PTPRJ: variants seen among roughly 807,000 people sequenced by gnomAD.
PTPRJ encodes the protein protein tyrosine phosphatase receptor type J.
A neutral mutation model predicts 141.3 loss-of-function variants in PTPRJ; 129 were observed. The observed-to-expected ratio is 0.91, with a 90% CI of 0.79 to 1.06. The LOEUF is 1.06. PTPRJ is among the 50% of genes least tolerant of loss of function. The pLI is 0.00. For synonymous variants in PTPRJ, 610 were observed against 640.5 expected (o/e 0.95, Z 0.72); for missense variants, 1,601 against 1,679.7 (o/e 0.95, Z 0.82).
At chr11:48,075,019 T>C (rs1345211120) in intron 1 of PTPRJ, among the ~76,000 whole-genome samples, 1 of 152,160 alleles carries the variant, frequency 6.6e-6, no homozygotes, top group Admixed American at 6.5e-5. Flanking sequence ...AGTGGGTGTA[T>C]ACCAGCTGAG....
intron 1 of PTPRJ, among the ~76,000 whole-genome samples, chr11:48,017,851 CCAGTATTAGTCTCAGGA>C (rs1406495474): frequency 6.6e-6 from 1 of 152,178 alleles, no homozygotes; most frequent in African/African-American, 2.4e-5. Context: ...GGCAGTGACA[CCAGTATTAGTCTCAGGA>C]CCATCATTGA....
intron 3 of PTPRJ, among the ~76,000 whole-genome samples, chr11:48,119,202 CATT>C (rs1336964307): frequency 6.6e-6 from 1 of 152,098 alleles, no homozygotes; most frequent in Admixed American, 6.5e-5. Context: ...TCGTCACCAT[CATT>C]GTTATTGATT....
At chr11:48,129,189 T>A (rs1856911783) in intron 7 of PTPRJ, among the ~76,000 whole-genome samples, 1 of 152,200 alleles carries the variant, frequency 6.6e-6, no homozygotes, top group African/African-American at 2.4e-5. Context: ...TTTTGCAGAA[T>A]CATTGGAAGA....
At chr11:48,132,179 CT>C in intron 8 of PTPRJ, 1 of 985,380 alleles carries the variant, frequency 1.0e-6, no homozygotes, top group Non-Finnish European at 1.2e-6. Context: ...TGTTCACAGT[CT>C]TTCCTAAACA....
chr11:48,090,253 C>T (rs543925128), intron 1 of PTPRJ, among the ~76,000 whole-genome samples: 2 of 152,314 alleles, frequency 1.3e-5, no homozygotes, highest in South Asian at 4.1e-4. Flanking sequence ...GCCCCAGGCG[C>T]CCTGCATCCT....
At chr11:48,146,466 G>A (rs1172243041) in intron 14 of PTPRJ, among the ~76,000 whole-genome samples, 1 of 152,138 alleles carries the variant, frequency 6.6e-6, no homozygotes, top group Admixed American at 6.5e-5. Flanking sequence ...TAAACAAATG[G>A]GTTTCCTGTC....
chr11:48,007,403 G>A (rs190574453), intron 1 of PTPRJ, among the ~76,000 whole-genome samples: 8 of 151,290 alleles, frequency 5.3e-5, no homozygotes, highest in Admixed American at 1.3e-4. Flanking sequence ...GCCACCACAC[G>A]GGGCCAGGCC....
intron 1 of PTPRJ, among the ~76,000 whole-genome samples, chr11:48,097,746 C>T (rs1203071495): frequency 6.6e-6 from 1 of 152,090 alleles, no homozygotes; most frequent in African/African-American, 2.4e-5. Flanking sequence ...CCGTGTTGCC[C>T]CAGGCTAGTC....
intron 12 of PTPRJ, among the ~76,000 whole-genome samples, chr11:48,143,546 T>C (rs1034462985): frequency 1.3e-5 from 2 of 152,204 alleles, no homozygotes; most frequent in Non-Finnish European, 2.9e-5. Context: ...AGAGGATGAC[T>C]TTCCTTTGAA....
intron 1 of PTPRJ, among the ~76,000 whole-genome samples, chr11:48,012,871 G>A (rs1393127105): frequency 6.6e-6 from 1 of 152,134 alleles, no homozygotes; most frequent in Admixed American, 6.6e-5. Context: ...TTGGGAGGCT[G>A]AGGCAGGTGG....
chr11:48,159,847 A>G, intron 21 of PTPRJ, 83 bp from the exon 22 acceptor site: 1 of 1,545,158 alleles, frequency 6.5e-7, no homozygotes. Context: ...GCCAGTTTTC[A>G]ATAGCCAGTC....
chr11:47,981,159 C>A, intron 1 of PTPRJ, 151 bp downstream of exon 1: 1 of 833,350 alleles, frequency 1.2e-6, no homozygotes, highest in Non-Finnish European at 1.6e-6. Context: ...TGCGGGGACC[C>A]CGGCCGGCCT....
At chr11:47,994,160 CTT>C (rs1257359689) in intron 1 of PTPRJ, among the ~76,000 whole-genome samples, 3 of 141,604 alleles carry the variant, frequency 2.1e-5, no homozygotes, top group Non-Finnish European at 4.7e-5. Flanking sequence ...TGTGCCTGGC[CTT>C]TTTTTTTTTT....
At position 48,127,805 on chromosome 11, in the gene PTPRJ, C is replaced by G; in HGVS notation, c.1119C>G (p.Thr373=). 6.2e-7 allele frequency: 1 copy of G among 1,614,140 alleles called. No homozygotes were observed. The highest frequency in any genetic ancestry group is 8.5e-7 in the Non-Finnish European group (1 of 1,180,024). Residue 373 remains threonine, a synonymous_variant, in exon 7 of 25, where the codon ACC becomes ACG. Transcript: ENST00000418331. ...RTNAIQVFDV[T]AVNISATSLT... ...ATGCTATTCAGGTTTTTGACGTCAC[C>G]GCTGTGAACATCAGTGCCACAAGCC...
rs188423688 is a variant in PTPRJ at position 48,149,448 on chromosome 11, A to C, written c.3001A>C (p.Lys1001Gln). The change falls in exon 16 of 25, where the codon AAA (lysine) becomes CAA (glutamine). Residue 1001 changes from lysine (K) to glutamine (Q), a missense_variant and splice_region_variant. By Grantham distance (53) the Lys-to-Gln change is moderately conservative. Coordinates refer to ENST00000418331, the MANE Select transcript of PTPRJ (RefSeq NM_002843.4). ...GGFIFWRKKRKDAKNNEVSFS... is the reference protein window; with the variant it reads ...GGFIFWRKKRQDAKNNEVSFS... Reference sequence around the variant, plus strand: ...TGGGTCTCTTTTCTCTTAAAACAGGAAAGATGCAAAGAATAATGAAGTGTC... The same window carrying C: ...TGGGTCTCTTTTCTCTTAAAACAGGCAAGATGCAAAGAATAATGAAGTGTC... The C allele has an allele frequency of 6.6e-7, 1 of 1,516,162 alleles. No individual in the cohort carries two copies. Among genetic ancestry groups the C allele is most frequent in the East Asian group, 2.3e-5 (1 of 43,584 alleles). The allele number at this position is 1,516,162 out of a possible 1,614,324, so 93.9% of individuals were successfully genotyped here. A position where few individuals can be genotyped will look rare whatever the true frequency, so the allele number is the denominator to read the frequency against.
At chr11:48,079,823 AC>A (rs1855513535) in intron 1 of PTPRJ, among the ~76,000 whole-genome samples, 1 of 152,134 alleles carries the variant, frequency 6.6e-6, no homozygotes, top group East Asian at 1.9e-4. Flanking sequence ...CAACTTCCCT[AC>A]AGTCCCGTGC....
rs1856347152 is a variant in PTPRJ, at chr11:48,108,224, G to A, written c.97-1834G>A. Among the ~76,000 whole-genome samples, 3 of 152,210 alleles carry A rather than the reference G, an allele frequency of 2.0e-5. No homozygotes were observed. The South Asian group carries it at 6.2e-4, about 31-fold the overall frequency. ...AATGGGGATAAAAATACCTCACAGG[G>A]TTGCAGTGAAGATGTAAGGATGATG... On this transcript the variant is annotated intron_variant, in intron 1 of 24. Coordinates refer to ENST00000418331, the MANE Select transcript of PTPRJ (RefSeq NM_002843.4).
At chr11:47,997,605 A>G (rs1481605577) in intron 1 of PTPRJ, among the ~76,000 whole-genome samples, 2 of 151,974 alleles carry the variant, frequency 1.3e-5, no homozygotes, top group African/African-American at 4.8e-5. Context: ...AGTAACTGAT[A>G]CTTTTCCTGT....
At chr11:48,084,085 C>T (rs766366931) in intron 1 of PTPRJ, among the ~76,000 whole-genome samples, 5 of 152,148 alleles carry the variant, frequency 3.3e-5, no homozygotes, top group African/African-American at 4.8e-5. Flanking sequence ...GTGAACAGAT[C>T]GCAAACTGGG....
Sources: gnomAD v4.1 joint callset for allele counts (sites outside exome capture counted in the v4.1 genomes callset) on GRCh38, gnomAD v4.1.1 for gene constraint, MANE v1.5 for transcripts, NCBI Gene and HGNC (gene_info 2026-07-23, HGNC 2026-07-21) for gene names.